Variants in PRPF18 observed in about 807,000 individuals in gnomAD.
PRPF18 encodes the protein pre-mRNA-splicing factor 18.
PRPF18 carries 38 observed loss-of-function variants against 46.5 expected under a neutral mutation model. The ratio of observed to expected loss-of-function variants is 0.82; its 90% CI spans 0.63 to 1.07. The LOEUF is 1.07. PRPF18 is among the 50% of genes least tolerant of loss of function. The pLI is 0.00. For missense variants in PRPF18, 263 were observed against 410.0 expected, an observed-to-expected ratio of 0.64 and a Z score of 3.10; for synonymous variants, 152 against 146.7, an observed-to-expected ratio of 1.04 and a Z score of -0.26.
At chr10:13,634,682 G>A (rs779120385), downstream of PRPF18, among the ~76,000 whole-genome samples, 1 of 152,214 alleles carries the variant, frequency 6.6e-6, no homozygotes, top group Non-Finnish European at 1.5e-5. Flanking sequence ...CAAAACAAGT[G>A]TATGGAGACC....
At chr10:13,607,399 G>C (rs1190833465) in intron 4 of PRPF18, among the ~76,000 whole-genome samples, 1 of 152,078 alleles carries the variant, frequency 6.6e-6, no homozygotes, top group Admixed American at 6.5e-5. Flanking sequence ...ATCTTTTGCT[G>C]AACAGAAGTT....
intron 1 of PRPF18, 70 bp downstream of exon 1, chr10:13,587,222 G>T (rs2079886565): frequency 1.3e-6 from 2 of 1,493,618 alleles, no homozygotes; most frequent in Admixed American, 3.3e-5. Context: ...TTTGGGGTGA[G>T]GGTGACGATA....
At chr10:13,595,838 G>A (rs1382784614) in intron 1 of PRPF18, among the ~76,000 whole-genome samples, 7 of 152,108 alleles carry the variant, frequency 4.6e-5, no homozygotes, top group Non-Finnish European at 1.5e-5. Context: ...TATTCTGAAA[G>A]TTTTAAACAT....
chr10:13,600,698 C>T (rs978248089), intron 3 of PRPF18, among the ~76,000 whole-genome samples: 61 of 150,206 alleles, frequency 4.1e-4, no homozygotes, highest in African/African-American at 1.4e-3. Context: ...TACGTCTTTC[C>T]AGATTAAAAT....
In PRPF18 at chr10:13,610,020, CT is replaced by C; in HGVS notation, c.364-12del. On this transcript the variant is annotated intron_variant, in intron 4 of 9. Coordinates refer to ENST00000378572, the MANE Select transcript of PRPF18 (RefSeq NM_003675.4). ...CTTCCTTTCATAACAGGTGTTCTTCCTTTTTTTGCTTTTCTTAGGGATTGAG... is the reference window on the plus strand; with the variant it reads ...CTTCCTTTCATAACAGGTGTTCTTCCTTTTTTGCTTTTCTTAGGGATTGAG... 8 of 1,573,442 alleles carry C rather than the reference CT, an allele frequency of 5.1e-6. No homozygotes were observed. The highest frequency in any genetic ancestry group is 2.3e-5 in the East Asian group (1 of 44,192).
At chr10:13,610,873 G>T (rs561187577) in intron 5 of PRPF18, among the ~76,000 whole-genome samples, 1 of 152,138 alleles carries the variant, frequency 6.6e-6, no homozygotes, top group African/African-American at 2.4e-5. Flanking sequence ...CCCTGCCAAC[G>T]CTTGGCAATA....
chr10:13,613,628 C>T (rs2080301967), intron 6 of PRPF18, 113 bp from the exon 7 acceptor site: 1 of 1,156,618 alleles, frequency 8.6e-7, no homozygotes, highest in Admixed American at 2.6e-5. Flanking sequence ...GCATTTTAAT[C>T]AAGACATTTA....
At chr10:13,627,287 A>G (rs79154030) in intron 9 of PRPF18, among the ~76,000 whole-genome samples, 221 of 152,232 alleles carry the variant, frequency 1.5e-3, no homozygotes, top group Non-Finnish European at 1.9e-3. Context: ...CCTTACCACA[A>G]TTCGATCTCA....
At chr10:13,626,422 A>C (rs921546374) in intron 9 of PRPF18, among the ~76,000 whole-genome samples, 1 of 152,264 alleles carries the variant, frequency 6.6e-6, no homozygotes, top group Non-Finnish European at 1.5e-5. Flanking sequence ...AGAGGTCATC[A>C]TCATAATATG....
intron 9 of PRPF18, among the ~76,000 whole-genome samples, chr10:13,627,652 G>A (rs17153620): frequency 0.017 from 2,550 of 152,268 alleles, 70 homozygotes; most frequent in African/African-American, 0.058. Flanking sequence ...CCGCTCTGTG[G>A]TAACTACTTA....
At chr10:13,595,052 A>AT (rs34324338) in intron 1 of PRPF18, among the ~76,000 whole-genome samples, 1 of 152,156 alleles carries the variant, frequency 6.6e-6, no homozygotes, top group African/African-American at 2.4e-5. Context: ...TAGACTTTTT[A>AT]TTTTTTTGTA....
the PRPF18 span, chr10:13,654,429 T>A: frequency 1.2e-6 from 2 of 1,607,206 alleles, no homozygotes. Context: ...GTCTGCCAGG[T>A]TAGGATGTGG....
At chr10:13,620,885 G>T (rs1257189670) in intron 9 of PRPF18, among the ~76,000 whole-genome samples, 1 of 152,178 alleles carries the variant, frequency 6.6e-6, no homozygotes, top group Admixed American at 6.5e-5. Context: ...CACAAGGAGG[G>T]TTCTCTCCAG....
At chr10:13,602,675 A>G (rs2080130141) in intron 3 of PRPF18, among the ~76,000 whole-genome samples, 1 of 152,162 alleles carries the variant, frequency 6.6e-6, no homozygotes, top group Non-Finnish European at 1.5e-5. Flanking sequence ...ATGAGTATAT[A>G]TTAACTTCAT....
At chr10:13,599,030 G>A (rs185661783) in intron 2 of PRPF18, among the ~76,000 whole-genome samples, 4 of 152,232 alleles carry the variant, frequency 2.6e-5, no homozygotes, top group Admixed American at 6.5e-5. Flanking sequence ...TTTCCCCAGA[G>A]CTATTAACTG....
chr10:13,654,081 T>C, the PRPF18 span: 1 of 458,082 alleles, frequency 2.2e-6, no homozygotes, highest in Non-Finnish European at 3.8e-6. Flanking sequence ...CCTGGCATTT[T>C]GAGTCAGCCT....
chr10:13,608,637 C>G (rs2080225482), intron 4 of PRPF18, among the ~76,000 whole-genome samples: 1 of 152,220 alleles, frequency 6.6e-6, no homozygotes, highest in African/African-American at 2.4e-5. Flanking sequence ...TGGTCCCAGT[C>G]AGAATTAATT....
the PRPF18 span, chr10:13,654,485 G>A: frequency 1.8e-5 from 29 of 1,613,654 alleles, no homozygotes; most frequent in Middle Eastern, 1.6e-4. Context: ...TGACGGTGTC[G>A]AGCTTCTCTG....
intron 2 of PRPF18, among the ~76,000 whole-genome samples, chr10:13,598,652 TA>T (rs2080066756): frequency 1.3e-5 from 2 of 152,214 alleles, no homozygotes; most frequent in African/African-American, 4.8e-5. Context: ...ATTTTTTCCA[TA>T]AAGATATTTG....
Sources: allele counts gnomAD v4.1 joint callset (sites outside exome capture counted in the v4.1 genomes callset), GRCh38; gene constraint gnomAD v4.1.1; transcripts MANE v1.5; gene names NCBI Gene and HGNC (gene_info 2026-07-23, HGNC 2026-07-21).